SETD3: variants seen among roughly 807,000 people sequenced by gnomAD.
The protein encoded by SETD3 is SET domain containing 3, actin N3(tau)-histidine methyltransferase, also known as actin-histidine N-methyltransferase.
Under a neutral mutation model 63.0 loss-of-function variants are expected in SETD3, and 19 were observed. That is an observed-to-expected ratio of 0.30 (90% confidence interval 0.21 to 0.44). The LOEUF (loss-of-function observed/expected upper bound fraction) is 0.44, where lower values mean the gene tolerates loss of function less well. Ranked by LOEUF, SETD3 falls within the 20% of genes least tolerant of loss-of-function variation. The probability of loss-of-function intolerance (pLI) is 1.00; values close to 1 mark genes in which losing one functional copy is unlikely to be tolerated. For synonymous variants in SETD3, 286 were observed against 264.1 expected, an observed-to-expected ratio of 1.08 and a Z score of -0.80; for missense variants, 587 against 728.5, an observed-to-expected ratio of 0.81 and a Z score of 2.24.
upstream of SETD3, among the ~76,000 whole-genome samples, chr14:99,483,275 G>GT: frequency 1.3e-5 from 2 of 152,236 alleles, no homozygotes; most frequent in Middle Eastern, 6.8e-3. Context: ...GAGGCCAGAG[G>GT]TGGTGGCTCA....
chr14:99,411,990 A>G (rs1445720883), intron 8 of SETD3: 1 of 152,220 alleles, frequency 6.6e-6, no homozygotes, highest in Non-Finnish European at 1.5e-5. Context: ...TGTTCTGGCC[A>G]TTCCAGGGAA....
intron 6 of SETD3, among the ~76,000 whole-genome samples, chr14:99,441,309 C>G (rs1595211210): frequency 6.6e-6 from 1 of 152,316 alleles, no homozygotes; most frequent in Non-Finnish European, 1.5e-5. Context: ...GCTCACAGCC[C>G]TCAGAGAGCC....
chr14:99,482,774 T>A (rs1896381300), upstream of SETD3, among the ~76,000 whole-genome samples: 1 of 152,230 alleles, frequency 6.6e-6, no homozygotes, highest in Admixed American at 6.5e-5. Flanking sequence ...TTTCTAAAAT[T>A]GAATGTCATA....
chr14:99,468,110 C>G (rs1453024286), intron 1 of SETD3, among the ~76,000 whole-genome samples: 1 of 150,832 alleles, frequency 6.6e-6, no homozygotes, highest in Non-Finnish European at 1.5e-5. Flanking sequence ...CAGCTAGAAT[C>G]TGAACCCAGA....
chr14:99,459,830 C>T (rs1246280888), intron 4 of SETD3, among the ~76,000 whole-genome samples: 1 of 152,186 alleles, frequency 6.6e-6, no homozygotes, highest in East Asian at 1.9e-4. Context: ...TGGGAGACAG[C>T]AAGAGGGCAG....
intron 5 of SETD3, among the ~76,000 whole-genome samples, chr14:99,458,774 CAA>C (rs5810953): frequency 0.028 from 2,532 of 89,538 alleles, 36 homozygotes; most frequent in Non-Finnish European, 0.039. Context: ...CCCATCACTA[CAA>C]AAAAAAAAAA....
Position 99,398,981 on chromosome 14 carries a change from C to T in SETD3, c.1483G>A (p.Glu495Lys), listed in dbSNP as rs1371142528. The T allele has an allele frequency of 6.2e-7, 1 of 1,614,090 alleles. No homozygotes were observed. Among genetic ancestry groups the T allele is most frequent in the East Asian group, 2.2e-5 (1 of 44,892 alleles). The stretch of plus-strand genomic sequence containing the variant: ...TCATATTTGGGAAGCGGAGCCTTTT[C>T]CTCCATCTGTTGGCGATAGTATTCC... ...NREYYRQQME[E>K]KAPLPKYEES... Residue 495 changes from glutamate to lysine, a missense_variant, in exon 13 of 13, where the codon GAA becomes AAA. Physicochemically the swap from Glu to Lys is moderately conservative, Grantham distance 56. Coordinates refer to ENST00000331768, the MANE Select transcript of SETD3 (RefSeq NM_032233.3).
At chr14:99,417,955 A>G (rs1226236320) in intron 6 of SETD3, among the ~76,000 whole-genome samples, 1 of 152,230 alleles carries the variant, frequency 6.6e-6, no homozygotes, top group East Asian at 1.9e-4. Context: ...ACATTTCCCA[A>G]AATCAGATAT....
chr14:99,475,549 T>G (rs1895931204), intron 1 of SETD3, among the ~76,000 whole-genome samples: 1 of 152,264 alleles, frequency 6.6e-6, no homozygotes, highest in East Asian at 1.9e-4. Flanking sequence ...CTCTCTGACC[T>G]GTCAGCTTTT....
upstream of SETD3, chr14:99,481,704 C>G: frequency 2.6e-6 from 1 of 384,746 alleles, no homozygotes; most frequent in Non-Finnish European, 4.6e-6. Flanking sequence ...GGAGGCCGGA[C>G]TCACCCTAGA....
chr14:99,398,846 CTCT>C lies in SETD3; in HGVS notation c.1615_1617del (p.Arg539del). 1 of 1,614,240 alleles carries C rather than the reference CTCT, an allele frequency of 6.2e-7. No individual in the cohort carries two copies. Among genetic ancestry groups the C allele is most frequent in the Non-Finnish European group, 8.5e-7 (1 of 1,180,052 alleles). ...GTGGCCTTTGCTTTGCTGATTGCCT[CTCT>C]GATGTTCAAGGCATCCTGCACTCCA... On this transcript the variant is annotated inframe_deletion, in exon 13 of 13. Transcript: ENST00000331768.
intron 2 of SETD3, among the ~76,000 whole-genome samples, chr14:99,464,980 A>G (rs1895284617): frequency 6.6e-6 from 1 of 152,118 alleles, no homozygotes; most frequent in South Asian, 2.1e-4. Context: ...TCACCTCTAC[A>G]AAAAAATTAG....
Position 99,404,211 on chromosome 14 carries a change from C to G in SETD3, c.1177+14G>C. ...GAAAAAAGTCAACATCTCTTTTTTC[C>G]TGAAATGACTTACCTTCAGTCATAC... On this transcript the variant is annotated intron_variant, in intron 11 of 12. Transcript: ENST00000331768. 1 of 1,602,868 alleles carries G rather than the reference C, an allele frequency of 6.2e-7. No homozygotes were observed. Among genetic ancestry groups the G allele is most frequent in the African/African-American group, 1.3e-5 (1 of 74,380 alleles).
intron 6 of SETD3, among the ~76,000 whole-genome samples, chr14:99,433,259 C>G (rs1893281819): frequency 6.6e-6 from 1 of 151,834 alleles, no homozygotes; most frequent in Non-Finnish European, 1.5e-5. Flanking sequence ...GTTAAAATGG[C>G]AAATTTCATG....
At chr14:99,449,012 T>C (rs1210839161) in intron 6 of SETD3, among the ~76,000 whole-genome samples, 1 of 152,234 alleles carries the variant, frequency 6.6e-6, no homozygotes, top group African/African-American at 2.4e-5. Flanking sequence ...TGAAGAGCCA[T>C]CTAAAACCAT....
At chr14:99,429,479 C>T (rs967611973) in intron 6 of SETD3, among the ~76,000 whole-genome samples, 11 of 152,084 alleles carry the variant, frequency 7.2e-5, no homozygotes, top group East Asian at 1.9e-4. Flanking sequence ...CAGAGCACCC[C>T]GATTCTCTTA....
At chr14:99,427,146 G>A (rs910415871) in intron 6 of SETD3, among the ~76,000 whole-genome samples, 3 of 152,136 alleles carry the variant, frequency 2.0e-5, no homozygotes, top group African/African-American at 4.8e-5. Flanking sequence ...CTTTTAGCTC[G>A]AAAAATAAAG....
chr14:99,410,739 C>T (rs1196581170), intron 8 of SETD3, among the ~76,000 whole-genome samples: 1 of 152,234 alleles, frequency 6.6e-6, no homozygotes, highest in Non-Finnish European at 1.5e-5. Context: ...AGGTGTTCAT[C>T]CAGCCCCTTA....
intron 1 of SETD3, among the ~76,000 whole-genome samples, chr14:99,472,597 CAA>C (rs1337428726): frequency 3.9e-5 from 6 of 152,150 alleles, no homozygotes; most frequent in Non-Finnish European, 8.8e-5. Flanking sequence ...CAATTTCCCA[CAA>C]AGACCAAATG....
Sources: gnomAD v4.1 joint callset for allele counts (sites outside exome capture counted in the v4.1 genomes callset) on GRCh38, gnomAD v4.1.1 for gene constraint, MANE v1.5 for transcripts, NCBI Gene and HGNC (gene_info 2026-07-23, HGNC 2026-07-21) for gene names.